Variants in MPP7 observed in about 807,000 individuals in gnomAD.
MPP7 encodes MAGUK p55 subfamily member 7.
Under a neutral mutation model 76.5 loss-of-function variants are expected in MPP7, and 60 were observed. That is an observed-to-expected ratio of 0.78 (90% CI 0.64 to 0.97). The LOEUF is 0.97. MPP7 is among the 50% of genes least tolerant of loss of function. MPP7 has a pLI of 0.00. For missense variants in MPP7, 641 were observed against 694.0 expected, an observed-to-expected ratio of 0.92 and a Z score of 0.86; for synonymous variants, 237 against 244.5, an observed-to-expected ratio of 0.97 and a Z score of 0.29.
intron 2 of MPP7, among the ~76,000 whole-genome samples, chr10:28,208,236 C>T (rs759188398): frequency 2.0e-5 from 3 of 152,122 alleles, no homozygotes; most frequent in Non-Finnish European, 4.4e-5. Flanking sequence ...AGGCAAGAAA[C>T]ACCCACCTCC....
At chr10:28,109,496 T>G (rs1273419531) in intron 11 of MPP7, among the ~76,000 whole-genome samples, 1 of 151,910 alleles carries the variant, frequency 6.6e-6, no homozygotes, top group Non-Finnish European at 1.5e-5. Context: ...AAATATAAAT[T>G]AGATTAATAT....
At chr10:28,188,061 G>C (rs577775319) in intron 3 of MPP7, among the ~76,000 whole-genome samples, 31 of 152,160 alleles carry the variant, frequency 2.0e-4, no homozygotes, top group Non-Finnish European at 3.2e-4. Flanking sequence ...CTCTGTTCAG[G>C]ATTTATTTAG....
intron 3 of MPP7, among the ~76,000 whole-genome samples, chr10:28,188,365 T>G (rs756027796): frequency 4.6e-5 from 7 of 152,132 alleles, no homozygotes; most frequent in Non-Finnish European, 8.8e-5. Flanking sequence ...AACTAGGAAT[T>G]TATCTTACCT....
chr10:28,187,364 A>C (rs1160304877), intron 3 of MPP7, among the ~76,000 whole-genome samples: 1 of 152,206 alleles, frequency 6.6e-6, no homozygotes, highest in East Asian at 1.9e-4. Context: ...GCCTGAAAAA[A>C]TGTAAACTAT....
intron 5 of MPP7, among the ~76,000 whole-genome samples, chr10:28,145,383 A>G (rs1056405117): frequency 6.6e-5 from 10 of 152,218 alleles, no homozygotes; most frequent in African/African-American, 2.4e-4. Context: ...TACATTTTTC[A>G]TATTTTAACT....
chr10:28,229,900 A>T (rs1046093581), intron 2 of MPP7, among the ~76,000 whole-genome samples: 2 of 151,726 alleles, frequency 1.3e-5, no homozygotes, highest in African/African-American at 4.8e-5. Context: ...AAAAAAAAAA[A>T]CAAAAACAAA....
At chr10:28,261,300 G>T (rs1012413880) in intron 1 of MPP7, among the ~76,000 whole-genome samples, 12 of 152,330 alleles carry the variant, frequency 7.9e-5, no homozygotes, top group African/African-American at 2.9e-4. Context: ...ATTCACTGGG[G>T]TGGAACCCTA....
intron 1 of MPP7, among the ~76,000 whole-genome samples, chr10:28,263,259 T>C (rs1043470476): frequency 2.0e-5 from 3 of 152,182 alleles, no homozygotes; most frequent in African/African-American, 7.2e-5. Context: ...CACTACCATC[T>C]GGTAGCAGCC....
intron 1 of MPP7, among the ~76,000 whole-genome samples, chr10:28,293,611 A>T (rs189944678): frequency 6.6e-6 from 1 of 152,298 alleles, no homozygotes; most frequent in East Asian, 1.9e-4. Flanking sequence ...ACACGGACCA[A>T]TCATGACAGT....
intron 11 of MPP7, among the ~76,000 whole-genome samples, chr10:28,109,472 TTA>T (rs1018797219): frequency 3.3e-5 from 5 of 152,258 alleles, no homozygotes; most frequent in African/African-American, 1.2e-4. Context: ...ACAATTATTT[TTA>T]TCTTATATCA....
At chr10:28,139,181 T>G (rs1588836202) in intron 5 of MPP7, among the ~76,000 whole-genome samples, 1 of 152,214 alleles carries the variant, frequency 6.6e-6, no homozygotes, top group East Asian at 1.9e-4. Flanking sequence ...TACCACCCTT[T>G]GTATTTATTG....
chr10:28,199,184 G>A (rs966067081), intron 3 of MPP7, among the ~76,000 whole-genome samples: 4 of 152,100 alleles, frequency 2.6e-5, no homozygotes, highest in Non-Finnish European at 4.4e-5. Context: ...CACCCCCCAC[G>A]ATTCGATTAT....
chr10:28,249,343 C>T (rs1044827796), intron 1 of MPP7, among the ~76,000 whole-genome samples: 2 of 152,168 alleles, frequency 1.3e-5, no homozygotes, highest in Non-Finnish European at 2.9e-5. Context: ...AATCCCAGCA[C>T]TTTGGGAGGC....
At position 28,285,374 on chromosome 10, in the gene MPP7, G is replaced by A. The variant is rs1318890035; in HGVS notation, c.-132+17487C>T. 6.6e-5 allele frequency among the ~76,000 whole-genome samples: 10 copies of A among 152,190 alleles called. No homozygotes were observed. In the East Asian group the frequency reaches 1.4e-3, roughly 21 times the overall value. ...CTAATTTTGTATTTTTAGTAGAGAC[G>A]GGGTTTCTCTGTGTTGGTCAGGCTG... On this transcript the variant is annotated intron_variant, in intron 1 of 16. Transcript: ENST00000683449.
Position 28,238,511 on chromosome 10 carries a change from T to C in MPP7, c.37+57A>G. ...TTGCTTAAAGCATGCTGTATTTCAC[T>C]GTGAACAAGATTTAAGCAAAGATGG... On this transcript the variant is annotated intron_variant, in intron 2 of 16. Coordinates refer to ENST00000683449, the MANE Select transcript of MPP7 (RefSeq NM_001318170.2). 1.9e-6 allele frequency: 3 copies of C among 1,571,204 alleles called. No individual in the cohort carries two copies. The East Asian group carries it at 6.7e-5, about 35-fold the overall frequency.
chr10:28,142,874 G>A (rs1163816920), intron 5 of MPP7, among the ~76,000 whole-genome samples: 1 of 152,182 alleles, frequency 6.6e-6, no homozygotes, highest in African/African-American at 2.4e-5. Flanking sequence ...TGGAAACAAT[G>A]ATCAAAACTG....
intron 12 of MPP7, among the ~76,000 whole-genome samples, chr10:28,076,263 T>C (rs1319288725): frequency 6.6e-6 from 1 of 152,080 alleles, no homozygotes; most frequent in East Asian, 1.9e-4. Context: ...TGTATTCACA[T>C]CAAGGTAAAA....
chr10:28,219,018 T>C (rs574668681), intron 2 of MPP7, among the ~76,000 whole-genome samples: 2 of 152,316 alleles, frequency 1.3e-5, no homozygotes, highest in African/African-American at 4.8e-5. Flanking sequence ...TCTAACTATA[T>C]ATCATAGATA....
intron 12 of MPP7, among the ~76,000 whole-genome samples, chr10:28,088,548 C>A (rs1853131415): frequency 6.6e-6 from 1 of 152,138 alleles, no homozygotes; most frequent in Non-Finnish European, 1.5e-5. Context: ...CCCAGTCATG[C>A]TTCCTATATA....
Sources: allele counts gnomAD v4.1 joint callset (sites outside exome capture counted in the v4.1 genomes callset), GRCh38; gene constraint gnomAD v4.1.1; transcripts MANE v1.5; gene names NCBI Gene and HGNC (gene_info 2026-07-23, HGNC 2026-07-21).